The following PLPP4 variants were observed in gnomAD, a reference collection of about 807,000 sequenced individuals.
The protein encoded by PLPP4 is phospholipid phosphatase 4.
In PLPP4, 20 loss-of-function variants were observed where a neutral mutation model predicts 32.2. The observed-to-expected ratio is 0.62, with a 90% CI of 0.44 to 0.90. The LOEUF (loss-of-function observed/expected upper bound fraction) is 0.90. Ranked by LOEUF, PLPP4 falls within the 40% of genes least tolerant of loss-of-function variation. The probability of loss-of-function intolerance (pLI) is 0.00; values close to 1 mark genes in which losing one functional copy is unlikely to be tolerated. For missense variants in PLPP4, 257 were observed against 353.1 expected (o/e 0.73, Z 2.18); for synonymous variants, 127 against 133.0 (o/e 0.95, Z 0.31).
intron 5 of PLPP4, among the ~76,000 whole-genome samples, chr10:120,528,176 G>A (rs1441460208): frequency 7.1e-6 from 1 of 140,842 alleles, no homozygotes; most frequent in Admixed American, 7.8e-5. Flanking sequence ...CCGGGTTCAC[G>A]CCATTCTCCT....
intron 5 of PLPP4, among the ~76,000 whole-genome samples, chr10:120,538,710 C>T (rs543442494): frequency 6.6e-6 from 1 of 152,256 alleles, no homozygotes; most frequent in East Asian, 1.9e-4. Context: ...GCCACCCTGT[C>T]CTTTTCATGA....
At chr10:120,511,164 G>A (rs145672429) in intron 2 of PLPP4, among the ~76,000 whole-genome samples, 1 of 152,286 alleles carries the variant, frequency 6.6e-6, no homozygotes, top group Non-Finnish European at 1.5e-5. Context: ...GGAAGTGGGG[G>A]TGAGGGTCCA....
intron 2 of PLPP4, among the ~76,000 whole-genome samples, chr10:120,513,434 C>T (rs548059728): frequency 2.0e-4 from 30 of 152,164 alleles, no homozygotes; most frequent in Admixed American, 5.2e-4. Flanking sequence ...TTTAAACAAA[C>T]GGACTAAACT....
chr10:120,580,584 A>G (rs1208404935), intron 6 of PLPP4, among the ~76,000 whole-genome samples: 1 of 150,904 alleles, frequency 6.6e-6, no homozygotes, highest in Non-Finnish European at 1.5e-5. Context: ...GCTGAGTAAC[A>G]CCTTCCCCTT....
chr10:120,469,798 C>T (rs1035546226), intron 1 of PLPP4, among the ~76,000 whole-genome samples: 2 of 152,264 alleles, frequency 1.3e-5, no homozygotes, highest in African/African-American at 2.4e-5. Flanking sequence ...TTTTTAAACT[C>T]ATTATCTCTT....
chr10:120,476,365 A>T (rs1843910110), intron 1 of PLPP4, among the ~76,000 whole-genome samples: 1 of 152,148 alleles, frequency 6.6e-6, no homozygotes, highest in Non-Finnish European at 1.5e-5. Context: ...CTGTATGTGC[A>T]ATTATCTCAT....
intron 5 of PLPP4, among the ~76,000 whole-genome samples, chr10:120,535,755 T>C (rs1015737651): frequency 1.3e-5 from 2 of 152,162 alleles, no homozygotes; most frequent in Admixed American, 6.5e-5. Context: ...TTCATGTGGA[T>C]GCAAACCCCC....
rs762097910 is a variant in PLPP4 at position 120,488,317 on chromosome 10, GTGAA to G, written c.57-15489_57-15486del. ...CAATATGTGCTGAATGAATGAGTGA[GTGAA>G]TGAATGAATGATGACTGAAAGCTAA... is the stretch of plus-strand genomic sequence containing the variant. On this transcript the variant is annotated intron_variant, in intron 1 of 6. Coordinates refer to ENST00000398250, the MANE Select transcript of PLPP4 (RefSeq NM_001030059.3). Among the ~76,000 whole-genome samples, 4 of 152,204 alleles carry G rather than the reference GTGAA, an allele frequency of 2.6e-5. No individual in the cohort carries two copies. The South Asian group carries it at 6.2e-4, about 24-fold the overall frequency.
intron 1 of PLPP4, among the ~76,000 whole-genome samples, chr10:120,467,337 G>A (rs566880620): frequency 3.1e-5 from 2 of 64,074 alleles, no homozygotes; most frequent in African/African-American, 6.7e-5. Flanking sequence ...TGATCTGCCC[G>A]CCTCAGCCTC....
intron 5 of PLPP4, among the ~76,000 whole-genome samples, chr10:120,545,533 A>G (rs1847574708): frequency 6.6e-6 from 1 of 152,048 alleles, no homozygotes; most frequent in East Asian, 1.9e-4. Flanking sequence ...TCCCTCCAGC[A>G]TTTGGGAAGC....
At chr10:120,564,844 G>A (rs921509531) in intron 5 of PLPP4, among the ~76,000 whole-genome samples, 7 of 151,732 alleles carry the variant, frequency 4.6e-5, no homozygotes, top group African/African-American at 1.7e-4. Flanking sequence ...TTTTATGTAT[G>A]TATTTAAAAA....
intron 5 of PLPP4, among the ~76,000 whole-genome samples, chr10:120,547,817 A>G (rs1306973431): frequency 6.6e-6 from 1 of 152,212 alleles, no homozygotes; most frequent in African/African-American, 2.4e-5. Context: ...ACAGAGAGAC[A>G]TGAGTTGAAT....
At chr10:120,544,548 C>G (rs1001052084) in intron 5 of PLPP4, among the ~76,000 whole-genome samples, 5 of 152,162 alleles carry the variant, frequency 3.3e-5, no homozygotes, top group Admixed American at 1.3e-4. Context: ...CCCTCCCATA[C>G]ACAGACTCTC....
intron 5 of PLPP4, among the ~76,000 whole-genome samples, chr10:120,539,184 C>G (rs1847220470): frequency 6.6e-6 from 1 of 152,166 alleles, no homozygotes; most frequent in South Asian, 2.1e-4. Flanking sequence ...AGAACCCATG[C>G]TGCCTGTGCT....
intron 2 of PLPP4, 66 bp downstream of exon 2, chr10:120,503,992 C>T: frequency 9.0e-7 from 1 of 1,113,620 alleles, no homozygotes. Context: ...GGGTTTTCAT[C>T]TTTGTTTTTC....
At chr10:120,587,902 C>T (rs1192455440) in intron 6 of PLPP4, among the ~76,000 whole-genome samples, 1 of 152,226 alleles carries the variant, frequency 6.6e-6, no homozygotes, top group African/African-American at 2.4e-5. Flanking sequence ...CCATTGCCTC[C>T]TACCTGAATG....
rs111691798 is a variant in PLPP4, at chr10:120,555,833, T to C, written c.446-19298T>C. ...CAGGCACAAAATTAAGTTATGAGGA[T>C]CACAAGGTGAAAAAGACAGCATCTG... On this transcript the variant is annotated intron_variant, in intron 5 of 6. Transcript: ENST00000398250. Among the ~76,000 whole-genome samples, 1,380 of 152,288 alleles carry C rather than the reference T, an allele frequency of 9.1e-3. 24 individuals carry two copies. Among genetic ancestry groups the C allele is most frequent in the African/African-American group, 0.031 (1,292 of 41,550 alleles).
intron 5 of PLPP4, among the ~76,000 whole-genome samples, chr10:120,561,440 T>A (rs1409558): frequency 1.3e-5 from 2 of 152,032 alleles, no homozygotes; most frequent in Non-Finnish European, 2.9e-5. Flanking sequence ...TAAGGATGGG[T>A]CTTTTTCTTG....
intron 5 of PLPP4, among the ~76,000 whole-genome samples, chr10:120,572,487 T>C (rs1370529533): frequency 6.6e-6 from 1 of 152,238 alleles, no homozygotes; most frequent in Non-Finnish European, 1.5e-5. Flanking sequence ...ATTGATTTGT[T>C]TGTTTGTTTG....
Sources: gnomAD v4.1 joint callset for allele counts (sites outside exome capture counted in the v4.1 genomes callset) on GRCh38, gnomAD v4.1.1 for gene constraint, MANE v1.5 for transcripts, NCBI Gene and HGNC (gene_info 2026-07-23, HGNC 2026-07-21) for gene names.